XPO1: variants seen among roughly 807,000 people sequenced by gnomAD.
XPO1 encodes exportin 1.
XPO1 carries 5 observed loss-of-function variants against 133.3 expected under a neutral mutation model. The observed-to-expected ratio is 0.04, with a 90% CI of 0.02 to 0.08. The LOEUF (loss-of-function observed/expected upper bound fraction) is 0.08. Ranked by LOEUF, XPO1 falls within the 10% of genes least tolerant of loss-of-function variation. XPO1 has a pLI of 1.00. For synonymous variants in XPO1, 419 were observed against 408.2 expected, an observed-to-expected ratio of 1.03 and a Z score of -0.32; for missense variants, 506 against 1,267.5, an observed-to-expected ratio of 0.40 and a Z score of 9.12.
chr2:61,481,433 CAAT>C (rs776867311), intron 23 of XPO1, 152 bp from the exon 24 acceptor site: 26 of 412,346 alleles, frequency 6.3e-5, no homozygotes, highest in Non-Finnish European at 8.6e-5. Flanking sequence ...CTCAGCGTCC[CAAT>C]AATGTTTTTT....
intron 2 of XPO1, among the ~76,000 whole-genome samples, chr2:61,527,136 A>T (rs1030831331): frequency 1.3e-5 from 2 of 152,108 alleles, no homozygotes; most frequent in Non-Finnish European, 2.9e-5. Flanking sequence ...TCTGAAGCAA[A>T]TAAGTTCTCA....
At chr2:61,493,088 C>T (rs900628257) in intron 12 of XPO1, 35 bp from the exon 13 acceptor site, 2 of 1,531,248 alleles carry the variant, frequency 1.3e-6, no homozygotes, top group Admixed American at 2.4e-5. Context: ...AGAAAAAAAT[C>T]GTTAGATCAC....
In XPO1 at chr2:61,485,870, A is replaced by C. The variant is rs752392545; in HGVS notation, c.2406T>G (p.Ser802Arg). Residue 802 changes from serine (S) to arginine (R), a missense_variant, in exon 20 of 25, where the codon AGT becomes AGG. By Grantham distance (110) the Ser-to-Arg change is moderately radical. This residue lies in a region of XPO1 where 203 missense variants were observed against 365.9 expected (regional missense o/e 0.55). Transcript: ENST00000401558. ...VPAAREPEVL[S>R]TMAIIVNKLG... is the part of the protein sequence containing the mutation. ...ACTTGTTGACAATTATGGCCATAGT[A>C]CTAAGCACTTCTGGTTCTCTAGCAG... 2 of 1,614,198 alleles carry C rather than the reference A, an allele frequency of 1.2e-6. No individual in the cohort carries two copies. Among genetic ancestry groups the C allele is most frequent in the Non-Finnish European group, 1.7e-6 (2 of 1,180,012 alleles).
intron 2 of XPO1, among the ~76,000 whole-genome samples, chr2:61,529,525 G>A (rs933489802): frequency 1.3e-5 from 2 of 151,958 alleles, no homozygotes; most frequent in African/African-American, 4.8e-5. Context: ...GCATGGTGGG[G>A]CGTACTTGTA....
At chr2:61,516,454 G>A (rs902005463) in intron 4 of XPO1, among the ~76,000 whole-genome samples, 4 of 151,604 alleles carry the variant, frequency 2.6e-5, no homozygotes, top group African/African-American at 9.7e-5. Context: ...CGCTCTTGGT[G>A]CCCAGGCCGT....
chr2:61,482,942 G>T lies in XPO1; in HGVS notation c.2812+15C>A. 3 of 1,613,070 alleles carry T rather than the reference G, an allele frequency of 1.9e-6. No homozygotes were observed. Among genetic ancestry groups the T allele is most frequent in the Non-Finnish European group, 8.5e-7 (1 of 1,179,830 alleles). ...CCAGCTGGCACTTAACATTTAAATC[G>T]TATTAAATTCTTACCAGCAGTATGT... On this transcript the variant is annotated intron_variant, in intron 22 of 24. Transcript: ENST00000401558.
intron 4 of XPO1, among the ~76,000 whole-genome samples, chr2:61,504,589 C>T (rs1413681286): frequency 6.6e-6 from 1 of 152,124 alleles, no homozygotes; most frequent in Non-Finnish European, 1.5e-5. Context: ...GGTTGTAGAG[C>T]TGTATGTTCC....
chr2:61,501,493 G>A (rs1028677205), intron 6 of XPO1, among the ~76,000 whole-genome samples: 2 of 151,990 alleles, frequency 1.3e-5, no homozygotes, highest in Non-Finnish European at 2.9e-5. Context: ...AGGTCGAGGT[G>A]GGTGGATCAC....
chr2:61,529,388 T>C (rs1274937992), intron 2 of XPO1, among the ~76,000 whole-genome samples: 2 of 152,204 alleles, frequency 1.3e-5, no homozygotes, highest in African/African-American at 2.4e-5. Flanking sequence ...GTGGGCACCG[T>C]GGCTCACGCC....
At chr2:61,493,141 CA>C in intron 12 of XPO1, 88 bp from the exon 13 acceptor site, 7 of 1,346,410 alleles carry the variant, frequency 5.2e-6, no homozygotes, top group South Asian at 1.6e-5. Flanking sequence ...CAAACAAAAC[CA>C]AAAAAACCAC....
intron 4 of XPO1, among the ~76,000 whole-genome samples, chr2:61,507,260 G>T (rs201717994): frequency 2.7e-5 from 2 of 74,942 alleles, no homozygotes; most frequent in Non-Finnish European, 2.8e-5. Flanking sequence ...AAAAAAAAAA[G>T]AGTGAAGAAA....
rs569369426 is a variant in XPO1 at position 61,504,793 on chromosome 2, T to C, written c.302-2483A>G. ...TTCAATGGCACTTAATTATATAATTTTTATTAACTATGACAACACTAGCCA... is the reference window on the plus strand; with the variant it reads ...TTCAATGGCACTTAATTATATAATTCTTATTAACTATGACAACACTAGCCA... On this transcript the variant is annotated intron_variant, in intron 4 of 24. Transcript: ENST00000401558. 2.0e-5 allele frequency among the ~76,000 whole-genome samples: 3 copies of C among 152,296 alleles called. No individual in the cohort carries two copies. In the South Asian group the frequency reaches 6.2e-4, roughly 32 times the overall value.
In XPO1 at chr2:61,485,980, A is replaced by G; in HGVS notation, c.2314-18T>C. ...TCAGCGACCTGTTGGGGAGGGAAAAAAAAGTTATGTTTTAATTTAGGTACA... is the reference window on the plus strand; with the variant it reads ...TCAGCGACCTGTTGGGGAGGGAAAAGAAAGTTATGTTTTAATTTAGGTACA... On this transcript the variant is annotated intron_variant, in intron 19 of 24. Coordinates refer to ENST00000401558, the MANE Select transcript of XPO1 (RefSeq NM_003400.4). The G allele has an allele frequency of 1.3e-6, 2 of 1,592,136 alleles. No homozygotes were observed. Among genetic ancestry groups the G allele is most frequent in the Non-Finnish European group, 1.7e-6 (2 of 1,168,194 alleles).
chr2:61,483,382 G>A (rs1696500204), intron 21 of XPO1: 1 of 299,728 alleles, frequency 3.3e-6, no homozygotes, highest in South Asian at 4.7e-5. Flanking sequence ...GCAGGAGTGG[G>A]TGAGGGATAA....
At chr2:61,479,080 A>C in intron 24 of XPO1, 114 bp from the exon 25 acceptor site, 1 of 1,274,540 alleles carries the variant, frequency 7.8e-7, no homozygotes, top group Non-Finnish European at 1.1e-6. Flanking sequence ...TTATCCATAA[A>C]GTGGCTGGGT....
chr2:61,500,404 C>A (rs1436285932), intron 6 of XPO1, among the ~76,000 whole-genome samples: 1 of 151,806 alleles, frequency 6.6e-6, no homozygotes, highest in East Asian at 1.9e-4. Context: ...CATGGTGAAA[C>A]CCTGTCTCTA....
intron 4 of XPO1, among the ~76,000 whole-genome samples, chr2:61,518,814 A>G (rs375869715): frequency 1.3e-5 from 2 of 152,364 alleles, no homozygotes; most frequent in African/African-American, 4.8e-5. Flanking sequence ...AAGCTAAATG[A>G]AAATCCAGAG....
chr2:61,538,051 C>CT lies in XPO1; in HGVS notation c.-497_-496insA, dbSNP rs1487828575. On this transcript the variant is annotated 5_prime_UTR_variant, in exon 1 of 25. Coordinates refer to ENST00000401558, the MANE Select transcript of XPO1 (RefSeq NM_003400.4). ...GCGGCTCCGGCGCTGGCCCCCCCCC[C>CT]CCCAAGGCTCGCCTAAACTTTCCCC... 1 of 121,018 alleles carries CT rather than the reference C, an allele frequency of 8.3e-6. No individual in the cohort carries two copies. The highest frequency in any genetic ancestry group is 1.8e-5 in the Non-Finnish European group (1 of 55,704). The allele number at this position is 121,018 out of a possible 1,614,324, so 7.5% of individuals were successfully genotyped here. A position where few individuals can be genotyped will look rare whatever the true frequency, so the allele number is the denominator to read the frequency against.
chr2:61,496,406 G>T (rs1430817432), intron 10 of XPO1, among the ~76,000 whole-genome samples: 2 of 151,608 alleles, frequency 1.3e-5, no homozygotes, highest in Admixed American at 1.3e-4. Flanking sequence ...GGTATGGTCT[G>T]GTTATGTTGT....
Sources: gnomAD v4.1 joint callset for allele counts (sites outside exome capture counted in the v4.1 genomes callset) on GRCh38, gnomAD v4.1.1 for gene constraint, gnomAD v4.1.1 regional missense constraint, MANE v1.5 for transcripts, NCBI Gene and HGNC (gene_info 2026-07-23, HGNC 2026-07-21) for gene names.